PFKFB3: variants seen among roughly 807,000 people sequenced by gnomAD.
PFKFB3 encodes 6-phosphofructo-2-kinase/fructose-2,6-biphosphatase 3.
Under a neutral mutation model 68.0 loss-of-function variants are expected in PFKFB3, and 33 were observed. The ratio of observed to expected loss-of-function variants is 0.49; its 90% CI spans 0.37 to 0.65. The LOEUF (loss-of-function observed/expected upper bound fraction) is 0.65. Among genes scored for constraint, PFKFB3 ranks in the 30% least tolerant of loss-of-function variants. The probability of loss-of-function intolerance (pLI) is 0.00; values close to 1 mark genes in which losing one functional copy is unlikely to be tolerated. For missense variants in PFKFB3, 586 were observed against 712.2 expected (o/e 0.82, Z 2.02); for synonymous variants, 315 against 288.2 (o/e 1.09, Z -0.94).
At chr10:6,207,665 A>G (rs537158625) in intron 1 of PFKFB3, among the ~76,000 whole-genome samples, 18 of 152,186 alleles carry the variant, frequency 1.2e-4, no homozygotes, top group Non-Finnish European at 2.5e-4. Flanking sequence ...AAACAACAAA[A>G]CAAAAATTAC....
intron 10 of PFKFB3, among the ~76,000 whole-genome samples, chr10:6,222,528 C>T (rs1009863958): frequency 3.9e-5 from 6 of 152,210 alleles, no homozygotes; most frequent in East Asian, 1.9e-4. Context: ...GCCCCGGCAC[C>T]GGCCCGTCTG....
At chr10:6,146,414 G>C (rs1414171361) in intron 1 of PFKFB3, 2 of 1,535,512 alleles carry the variant, frequency 1.3e-6, no homozygotes, top group Admixed American at 3.9e-5. Flanking sequence ...GTGACAGCCA[G>C]CAAGCAGGGG....
At position 6,214,929 on chromosome 10, in the gene PFKFB3, G is replaced by T. The variant is rs142544489; in HGVS notation, c.203-292G>T. On this transcript the variant is annotated intron_variant, in intron 2 of 14. Transcript: ENST00000379775. ...ACCCATCCTCACAGTCTCAGTCTCT[G>T]GTTTAGGATATTGTGGGACTGAGAT... Among the ~76,000 whole-genome samples, 719 of 152,360 alleles carry T rather than the reference G, an allele frequency of 4.7e-3. 8 individuals are homozygous for T. Among genetic ancestry groups the T allele is most frequent in the South Asian group, 0.014 (70 of 4,828 alleles).
At chr10:6,250,129 C>T (rs1467648233) in intron 14 of PFKFB3, among the ~76,000 whole-genome samples, 1 of 152,100 alleles carries the variant, frequency 6.6e-6, no homozygotes, top group Non-Finnish European at 1.5e-5. Context: ...GTGGAAGAGA[C>T]AAGGGTGACC....
At position 6,226,371 on chromosome 10, in the gene PFKFB3, T is replaced by C. The variant is rs764690627; in HGVS notation, c.1515+6T>C. Reference sequence around the variant, plus strand: ...CCACGCAGCTGCCTGGACAAGTCAGTGCACTCCCCTTTCCTTCCTGCCTGG... The same window carrying C: ...CCACGCAGCTGCCTGGACAAGTCAGCGCACTCCCCTTTCCTTCCTGCCTGG... On this transcript the variant is annotated splice_donor_region_variant and intron_variant, in intron 14 of 14. Transcript: ENST00000379775. 2 of 1,603,292 alleles carry C rather than the reference T, an allele frequency of 1.2e-6. No individual in the cohort carries two copies. The highest frequency in any genetic ancestry group is 1.7e-6 in the Non-Finnish European group (2 of 1,175,778).
At chr10:6,296,817 C>T in the PFKFB3 span, among the ~76,000 whole-genome samples, 1 of 152,318 alleles carries the variant, frequency 6.6e-6, no homozygotes, top group African/African-American at 2.4e-5. Context: ...GGCTTCTTTA[C>T]TGCATCCTGT....
chr10:6,163,501 T>TAGGTGGGGACCCAGCTGGG (rs1286078515), intron 1 of PFKFB3, among the ~76,000 whole-genome samples: 4 of 151,174 alleles, frequency 2.6e-5, no homozygotes, highest in Non-Finnish European at 4.4e-5. Flanking sequence ...ACAGGGCGGG[T>TAGGTGGGGACCCAGCTGGG]AGGTGGGGAC....
intron 1 of PFKFB3, among the ~76,000 whole-genome samples, chr10:6,175,525 C>T (rs906647710): frequency 6.6e-6 from 1 of 152,216 alleles, no homozygotes; most frequent in African/African-American, 2.4e-5. Flanking sequence ...CTCTCACTGA[C>T]CAGCGCTAGG....
the PFKFB3 span, among the ~76,000 whole-genome samples, chr10:6,265,774 C>T: frequency 6.6e-6 from 1 of 152,182 alleles, no homozygotes; most frequent in Non-Finnish European, 1.5e-5. Flanking sequence ...TGATTCTTGT[C>T]TCAACCAATC....
intron 1 of PFKFB3, among the ~76,000 whole-genome samples, chr10:6,187,402 C>G (rs1193415188): frequency 1.3e-5 from 2 of 152,056 alleles, no homozygotes; most frequent in South Asian, 2.1e-4. Context: ...TGTCCTATCT[C>G]ACTTCGCCTT....
the PFKFB3 span, among the ~76,000 whole-genome samples, chr10:6,309,883 C>A: frequency 6.6e-6 from 1 of 152,120 alleles, no homozygotes; most frequent in Non-Finnish European, 1.5e-5. Context: ...CTGAATACAA[C>A]ATTTTTTAAA....
intron 1 of PFKFB3, among the ~76,000 whole-genome samples, chr10:6,172,140 C>T (rs1261035731): frequency 3.3e-5 from 5 of 152,238 alleles, no homozygotes; most frequent in Admixed American, 2.0e-4. Context: ...CTGGCTCACT[C>T]GTTTGCTGGG....
chr10:6,241,827 A>ATTC (rs1564231326), intron 14 of PFKFB3, among the ~76,000 whole-genome samples: 2 of 147,182 alleles, frequency 1.4e-5, no homozygotes, highest in East Asian at 4.1e-4. Context: ...CTTTTTTTTA[A>ATTC]TTTTTTTTTG....
At chr10:6,182,822 T>C (rs1842756108) in intron 1 of PFKFB3, among the ~76,000 whole-genome samples, 1 of 152,184 alleles carries the variant, frequency 6.6e-6, no homozygotes, top group Non-Finnish European at 1.5e-5. Flanking sequence ...CCAGTGTCCA[T>C]GGCCAGGGCA....
chr10:6,146,793 C>T (rs141722309), intron 1 of PFKFB3, among the ~76,000 whole-genome samples: 4 of 152,360 alleles, frequency 2.6e-5, no homozygotes, highest in Non-Finnish European at 5.9e-5. Flanking sequence ...TTAGATCACA[C>T]AGGACAAAAC....
chr10:6,242,636 G>A (rs1846166090), intron 14 of PFKFB3, among the ~76,000 whole-genome samples: 1 of 151,948 alleles, frequency 6.6e-6, no homozygotes, highest in South Asian at 2.1e-4. Context: ...TGCCCAGGCT[G>A]GAGTGCAATG....
Position 6,220,886 on chromosome 10 carries a change from T to G in PFKFB3, c.831+21T>G, listed in dbSNP as rs749983033. ...AGAAGGTGCGGGGTGTGCTGCCGCA[T>G]GGGCCGTTCTGGCTGTAGGGCGGTT... On this transcript the variant is annotated intron_variant, in intron 8 of 14. Coordinates refer to ENST00000379775, the MANE Select transcript of PFKFB3 (RefSeq NM_004566.4). This position sits in a 1 kb window ranked among gnomAD's most constrained non-coding sequence, Gnocchi z 4.1. 5 of 1,604,614 alleles carry G rather than the reference T, an allele frequency of 3.1e-6. No individual in the cohort carries two copies. The highest frequency in any genetic ancestry group is 4.2e-6 in the Non-Finnish European group (5 of 1,177,960).
At chr10:6,263,341 G>T in the PFKFB3 span, among the ~76,000 whole-genome samples, 3 of 152,244 alleles carry the variant, frequency 2.0e-5, no homozygotes, top group Admixed American at 6.5e-5. Context: ...TGGGCCAGGT[G>T]TTCCTTGCTC....
intron 14 of PFKFB3, among the ~76,000 whole-genome samples, chr10:6,232,568 C>A (rs972228252): frequency 6.6e-6 from 1 of 152,126 alleles, no homozygotes; most frequent in East Asian, 1.9e-4. Context: ...TCTATGGGGT[C>A]GTGAGCATGA....
Sources: allele counts gnomAD v4.1 joint callset (sites outside exome capture counted in the v4.1 genomes callset), GRCh38; gene constraint gnomAD v4.1.1; non-coding constraint Gnocchi (gnomAD v3.1); transcripts MANE v1.5; gene names NCBI Gene and HGNC (gene_info 2026-07-23, HGNC 2026-07-21).